Variants in RHOH observed in about 807,000 individuals in gnomAD.
RHOH encodes the protein ras homolog family member H.
Under a neutral mutation model 13.8 loss-of-function variants are expected in RHOH, and 6 were observed. The observed-to-expected ratio is 0.44, with a 90% CI of 0.24 to 0.86. RHOH has a LOEUF of 0.86. RHOH is among the 40% of genes least tolerant of loss of function. The pLI is 0.24. For missense variants in RHOH, 147 were observed against 244.5 expected, an observed-to-expected ratio of 0.60 and a Z score of 2.66; for synonymous variants, 117 against 103.0, an observed-to-expected ratio of 1.14 and a Z score of -0.82.
intron 1 of RHOH, among the ~76,000 whole-genome samples, chr4:40,219,236 A>C (rs1422400662): frequency 6.6e-6 from 1 of 151,958 alleles, no homozygotes; most frequent in Non-Finnish European, 1.5e-5. Context: ...ACATGGTGAA[A>C]CTCCATCTCT....
intron 1 of RHOH, among the ~76,000 whole-genome samples, chr4:40,220,814 A>G (rs952051604): frequency 6.6e-6 from 1 of 152,202 alleles, no homozygotes; most frequent in African/African-American, 2.4e-5. Context: ...GAACTGAACC[A>G]TTAAAAAAGA....
chr4:40,205,225 C>T (rs759337151), intron 1 of RHOH, among the ~76,000 whole-genome samples: 14 of 152,208 alleles, frequency 9.2e-5, no homozygotes, highest in Non-Finnish European at 1.6e-4. Flanking sequence ...GATCGTGTCA[C>T]TGCACTGCAG....
chr4:40,207,126 AAC>A (rs1336772913), intron 1 of RHOH, among the ~76,000 whole-genome samples: 1 of 151,928 alleles, frequency 6.6e-6, no homozygotes, highest in Non-Finnish European at 1.5e-5. Flanking sequence ...GAATTGCTTG[AAC>A]CTGGGAGGCA....
chr4:40,217,993 C>G (rs1726086600), intron 1 of RHOH: 1 of 152,068 alleles, frequency 6.6e-6, no homozygotes. Flanking sequence ...GAGCATATAC[C>G]AGTTGCTCTC....
chr4:40,192,593 C>T (rs76486986), upstream of RHOH, among the ~76,000 whole-genome samples: 1 of 151,528 alleles, frequency 6.6e-6, no homozygotes, highest in Non-Finnish European at 1.5e-5. Context: ...ATTTAAAAAA[C>T]CTCAATAAAA....
intron 1 of RHOH, among the ~76,000 whole-genome samples, chr4:40,226,526 C>CAAA (rs892642366): frequency 2.3e-5 from 3 of 133,064 alleles, no homozygotes; most frequent in Admixed American, 7.5e-5. Flanking sequence ...AACTCCATCT[C>CAAA]AAAAAAAAAA....
chr4:40,219,682 A>G (rs189845927), intron 1 of RHOH, among the ~76,000 whole-genome samples: 107 of 152,170 alleles, frequency 7.0e-4, no homozygotes, highest in African/African-American at 2.4e-3. Context: ...AGGGAGAAAT[A>G]TATTGCTTAT....
chr4:40,242,269 G>A (rs1325522299), intron 1 of RHOH, among the ~76,000 whole-genome samples: 2 of 152,206 alleles, frequency 1.3e-5, no homozygotes, highest in South Asian at 2.1e-4. Flanking sequence ...TAAGTGACAG[G>A]CACTGAATAT....
chr4:40,201,945 G>GTTGT (rs1465306724), intron 1 of RHOH, among the ~76,000 whole-genome samples: 1 of 109,038 alleles, frequency 9.2e-6, no homozygotes, highest in Admixed American at 9.8e-5. Flanking sequence ...AACTCCATGA[G>GTTGT]TTTTTTTTTT....
chr4:40,216,910 C>T (rs559759443), intron 1 of RHOH, among the ~76,000 whole-genome samples: 6 of 152,172 alleles, frequency 3.9e-5, no homozygotes, highest in South Asian at 2.1e-4. Context: ...GTCTCAATGA[C>T]GAAAGGAAAC....
chr4:40,224,540 T>C (rs753729721), intron 1 of RHOH, among the ~76,000 whole-genome samples: 24 of 152,212 alleles, frequency 1.6e-4, no homozygotes, highest in Non-Finnish European at 2.9e-4. Flanking sequence ...ATCATTTATA[T>C]AGAATTTTAA....
At chr4:40,199,575 A>G (rs1723695062) in intron 1 of RHOH, among the ~76,000 whole-genome samples, 1 of 152,216 alleles carries the variant, frequency 6.6e-6, no homozygotes, top group African/African-American at 2.4e-5. Flanking sequence ...CCGCTGCATT[A>G]CTTGTGGGCC....
intron 1 of RHOH, among the ~76,000 whole-genome samples, chr4:40,217,679 C>T (rs1469737431): frequency 6.6e-6 from 1 of 152,162 alleles, no homozygotes; most frequent in Non-Finnish European, 1.5e-5. Flanking sequence ...TTCCTCCCAC[C>T]TTATACAAGT....
chr4:40,194,622 TGCCTCG>T (rs1722936231), upstream of RHOH, among the ~76,000 whole-genome samples: 1 of 151,854 alleles, frequency 6.6e-6, no homozygotes, highest in Non-Finnish European at 1.5e-5. Context: ...ACAATTCGCC[TGCCTCG>T]GCCTCCCAAA....
intron 1 of RHOH, among the ~76,000 whole-genome samples, chr4:40,202,118 C>CT (rs887339710): frequency 1.3e-5 from 2 of 150,756 alleles, no homozygotes; most frequent in African/African-American, 2.4e-5. Flanking sequence ...ACTTGGCTAA[C>CT]TTTTTTTTTG....
At chr4:40,201,257 C>G (rs554229059) in intron 1 of RHOH, among the ~76,000 whole-genome samples, 6 of 152,090 alleles carry the variant, frequency 3.9e-5, no homozygotes, top group African/African-American at 1.4e-4. Flanking sequence ...CTCTATCCCC[C>G]CCTTTTTTTT....
intron 1 of RHOH, among the ~76,000 whole-genome samples, chr4:40,241,934 A>G (rs1390817590): frequency 1.3e-5 from 2 of 152,274 alleles, no homozygotes; most frequent in Non-Finnish European, 1.5e-5. Flanking sequence ...AAGGAATGCC[A>G]GGATTTAGAG....
At chr4:40,201,527 A>G (rs1010287215) in intron 1 of RHOH, among the ~76,000 whole-genome samples, 5 of 152,234 alleles carry the variant, frequency 3.3e-5, no homozygotes, top group African/African-American at 1.2e-4. Context: ...GAAATGCTAT[A>G]TAATATTGTG....
intron 1 of RHOH, among the ~76,000 whole-genome samples, chr4:40,227,107 C>T (rs191973002): frequency 3.3e-5 from 5 of 151,828 alleles, no homozygotes; most frequent in Admixed American, 6.6e-5. Context: ...TGCAGTGAGC[C>T]GATCTCGCCA....
Sources: gnomAD v4.1 joint callset for allele counts (sites outside exome capture counted in the v4.1 genomes callset) on GRCh38, gnomAD v4.1.1 for gene constraint, MANE v1.5 for transcripts, NCBI Gene and HGNC (gene_info 2026-07-23, HGNC 2026-07-21) for gene names.